Variants in KAZN observed in about 807,000 individuals in gnomAD.
The protein encoded by KAZN is kazrin, periplakin interacting protein.
KAZN carries 40 observed loss-of-function variants against 87.4 expected under a neutral mutation model. The ratio of observed to expected loss-of-function variants is 0.46; its 90% confidence interval spans 0.36 to 0.60. The LOEUF (loss-of-function observed/expected upper bound fraction) is 0.60. Ranked by LOEUF, KAZN falls within the 20% of genes least tolerant of loss-of-function variation. The pLI, the probability that KAZN is intolerant of heterozygous loss-of-function variation, is 0.00. For missense variants in KAZN, 898 were observed against 1,073.9 expected (o/e 0.84, Z 2.29); for synonymous variants, 466 against 458.3 (o/e 1.02, Z -0.22).
chr1:14,951,708 C>T (rs886872223), intron 1 of KAZN, among the ~76,000 whole-genome samples: 1 of 152,070 alleles, frequency 6.6e-6, no homozygotes, highest in Admixed American at 6.5e-5. Flanking sequence ...GAACTCCTGA[C>T]CTCAGGTGAT....
At chr1:14,080,592 G>A (rs1643636421) in intron 1 of KAZN, among the ~76,000 whole-genome samples, 1 of 152,230 alleles carries the variant, frequency 6.6e-6, no homozygotes, top group Non-Finnish European at 1.5e-5. Flanking sequence ...GGCTCCTTCA[G>A]TACCTACTTC....
chr1:14,540,268 G>A (rs916122518), intron 2 of KAZN, among the ~76,000 whole-genome samples: 5 of 152,138 alleles, frequency 3.3e-5, no homozygotes, highest in African/African-American at 1.2e-4. Flanking sequence ...ATGCCAGAGT[G>A]GTCACTTAAA....
At chr1:14,860,102 G>A (rs1650652125) in intron 1 of KAZN, among the ~76,000 whole-genome samples, 1 of 151,966 alleles carries the variant, frequency 6.6e-6, no homozygotes, top group Non-Finnish European at 1.5e-5. Flanking sequence ...AGCAGGAATA[G>A]GCCTTTTTCC....
chr1:14,717,223 G>A (rs1437796159), intron 1 of KAZN, among the ~76,000 whole-genome samples: 1 of 151,714 alleles, frequency 6.6e-6, no homozygotes, highest in Non-Finnish European at 1.5e-5. Context: ...AGGGATTCGT[G>A]TGTTCATCTC....
chr1:14,786,424 A>T (rs899251313), intron 1 of KAZN, among the ~76,000 whole-genome samples: 10 of 152,160 alleles, frequency 6.6e-5, no homozygotes, highest in Admixed American at 6.5e-4. Flanking sequence ...GAGTGGAGGT[A>T]ATTTGGAACC....
intron 2 of KAZN, among the ~76,000 whole-genome samples, chr1:14,542,233 G>A (rs1047137882): frequency 1.4e-5 from 2 of 138,688 alleles, no homozygotes; most frequent in Non-Finnish European, 3.0e-5. Context: ...TCATAGGTGG[G>A]AATTGAACAA....
intron 2 of KAZN, among the ~76,000 whole-genome samples, chr1:14,387,314 G>A (rs1371591844): frequency 4.6e-5 from 7 of 152,148 alleles, no homozygotes; most frequent in Non-Finnish European, 7.3e-5. Context: ...CTCTCAGCTC[G>A]TCAAAGTCAT....
At chr1:14,089,956 C>T (rs1293205427) in intron 1 of KAZN, among the ~76,000 whole-genome samples, 4 of 151,568 alleles carry the variant, frequency 2.6e-5, no homozygotes, top group Admixed American at 6.6e-5. Flanking sequence ...GCTTACATAG[C>T]GTGTGATGAG....
chr1:14,401,073 A>G (rs550640133), intron 2 of KAZN, among the ~76,000 whole-genome samples: 71 of 152,348 alleles, frequency 4.7e-4, no homozygotes, highest in Middle Eastern at 3.4e-3. Flanking sequence ...TGAGGCTGCC[A>G]GGGAGAGAGC....
intron 1 of KAZN, among the ~76,000 whole-genome samples, chr1:14,892,152 C>T (rs1654787071): frequency 6.6e-6 from 1 of 152,166 alleles, no homozygotes; most frequent in Non-Finnish European, 1.5e-5. Context: ...GCTCCCATTC[C>T]TGGCCCAAAT....
intron 1 of KAZN, among the ~76,000 whole-genome samples, chr1:14,103,028 T>G (rs1453847456): frequency 3.3e-5 from 5 of 152,076 alleles, no homozygotes; most frequent in Non-Finnish European, 7.4e-5. Flanking sequence ...CATGCCTTCA[T>G]GCCTCAGCCT....
chr1:15,064,725 C>T (rs1232375049), intron 7 of KAZN, among the ~76,000 whole-genome samples: 1 of 152,226 alleles, frequency 6.6e-6, no homozygotes, highest in Non-Finnish European at 1.5e-5. Context: ...GACGCAGGCT[C>T]CAGACTCCTC....
chr1:15,042,486 T>C (rs1318720239), intron 3 of KAZN, among the ~76,000 whole-genome samples: 1 of 152,110 alleles, frequency 6.6e-6, no homozygotes, highest in African/African-American at 2.4e-5. Flanking sequence ...TGAGCAGGGA[T>C]CTGAGTGAGG....
At chr1:14,332,732 A>C (rs937364650) in intron 2 of KAZN, among the ~76,000 whole-genome samples, 9 of 152,186 alleles carry the variant, frequency 5.9e-5, no homozygotes, top group African/African-American at 2.2e-4. Context: ...GGCCTTGGGC[A>C]AGTCACTTAA....
chr1:14,006,770 A>G (rs572144168), intron 1 of KAZN, among the ~76,000 whole-genome samples: 1 of 151,858 alleles, frequency 6.6e-6, no homozygotes, highest in Non-Finnish European at 1.5e-5. Flanking sequence ...GATGCCTCTA[A>G]CTTTGTTTTT....
intron 2 of KAZN, among the ~76,000 whole-genome samples, chr1:14,543,490 C>T (rs80287167): frequency 0.019 from 2,873 of 152,310 alleles, 36 homozygotes; most frequent in Non-Finnish European, 0.029. Flanking sequence ...GCAGCAATGC[C>T]TGTCCATCCC....
At chr1:14,065,722 C>T (rs1311397227) in intron 1 of KAZN, among the ~76,000 whole-genome samples, 3 of 152,150 alleles carry the variant, frequency 2.0e-5, no homozygotes, top group Non-Finnish European at 4.4e-5. Flanking sequence ...GCGGGCCTGG[C>T]ATTTTCCTCT....
chr1:13,966,892 G>C (rs1315349210), intron 1 of KAZN, among the ~76,000 whole-genome samples: 1 of 152,008 alleles, frequency 6.6e-6, no homozygotes, highest in Non-Finnish European at 1.5e-5. Context: ...TGCACTATCA[G>C]AAAATTAAAA....
chr1:14,917,082 G>A (rs1394844451), intron 1 of KAZN, among the ~76,000 whole-genome samples: 7 of 152,168 alleles, frequency 4.6e-5, no homozygotes, highest in Admixed American at 4.6e-4. Flanking sequence ...CCCTGGAGGA[G>A]ATCAGGATTT....
Sources: allele counts gnomAD v4.1 joint callset (sites outside exome capture counted in the v4.1 genomes callset), GRCh38; gene constraint gnomAD v4.1.1; transcripts MANE v1.5; gene names NCBI Gene and HGNC (gene_info 2026-07-23, HGNC 2026-07-21).